UBE2Q2: variants seen among roughly 807,000 people sequenced by gnomAD.
The protein encoded by UBE2Q2 is ubiquitin-conjugating enzyme E2 Q2.
In UBE2Q2, 54 loss-of-function variants were observed where a neutral mutation model predicts 59.9. The observed-to-expected ratio is 0.90, with a 90% CI of 0.72 to 1.13. UBE2Q2 has a LOEUF of 1.13. Among genes scored for constraint, UBE2Q2 ranks in the 50% most tolerant of loss-of-function variants. The pLI is 0.00. For missense variants in UBE2Q2, 433 were observed against 441.9 expected (o/e 0.98, Z 0.18); for synonymous variants, 165 against 155.2 (o/e 1.06, Z -0.47).
At chr15:75,866,194 A>G (rs548768441) in intron 3 of UBE2Q2, among the ~76,000 whole-genome samples, 23 of 151,598 alleles carry the variant, frequency 1.5e-4, no homozygotes, top group African/African-American at 5.3e-4. Context: ...TTTTTTTGAA[A>G]CAGGGTCTTG....
At chr15:75,899,290 A>AAG (rs1555424928) in intron 12 of UBE2Q2, 137 bp from the exon 13 acceptor site, 1 of 240,434 alleles carries the variant, frequency 4.2e-6, no homozygotes, top group African/African-American at 2.4e-5. Flanking sequence ...ATATATATAT[A>AAG]ATATATATAT....
intron 1 of UBE2Q2, 46 bp downstream of exon 1, chr15:75,843,892 AG>A (rs1179661397): frequency 6.7e-7 from 1 of 1,503,648 alleles, no homozygotes; most frequent in East Asian, 2.6e-5. Context: ...GAGGACGGAG[AG>A]GGGGCGCTTC....
At chr15:75,844,145 C>G (rs778795216) in intron 1 of UBE2Q2, 144 of 1,427,704 alleles carry the variant, frequency 1.0e-4, no homozygotes, top group Non-Finnish European at 1.2e-4. Context: ...GGCCCAAGCC[C>G]TTGTGGGGTC....
chr15:75,889,581 C>T (rs981925804), intron 9 of UBE2Q2, among the ~76,000 whole-genome samples: 1 of 152,074 alleles, frequency 6.6e-6, no homozygotes, highest in Non-Finnish European at 1.5e-5. Flanking sequence ...GTAGGAATCT[C>T]AAGCAAGGGA....
chr15:75,877,929 A>G (rs1173080025), intron 6 of UBE2Q2, 32 bp from the exon 7 acceptor site: 1 of 1,589,428 alleles, frequency 6.3e-7, no homozygotes, highest in Admixed American at 1.7e-5. Context: ...TGATGAAATG[A>G]AGAGTAGCTA....
At chr15:75,868,261 G>A (rs1438294098) in intron 3 of UBE2Q2, among the ~76,000 whole-genome samples, 1 of 152,138 alleles carries the variant, frequency 6.6e-6, no homozygotes, top group African/African-American at 2.4e-5. Flanking sequence ...GTGTCCTGGC[G>A]AGGGCTTACC....
intron 3 of UBE2Q2, among the ~76,000 whole-genome samples, chr15:75,862,244 A>G (rs1265055713): frequency 6.6e-6 from 1 of 152,178 alleles, no homozygotes; most frequent in Non-Finnish European, 1.5e-5. Flanking sequence ...CCAACTCCCA[A>G]GATGAGCCCT....
At chr15:75,886,607 G>C (rs1321188332) in intron 9 of UBE2Q2, among the ~76,000 whole-genome samples, 1 of 152,118 alleles carries the variant, frequency 6.6e-6, no homozygotes, top group African/African-American at 2.4e-5. Flanking sequence ...ATTTTTATCA[G>C]CCAGATGTGG....
At chr15:75,860,171 T>C (rs983616018) in intron 3 of UBE2Q2, among the ~76,000 whole-genome samples, 189 bp downstream of exon 3, 1 of 152,264 alleles carries the variant, frequency 6.6e-6, no homozygotes, top group Non-Finnish European at 1.5e-5. Flanking sequence ...GAGCTGCTGG[T>C]ATTTACTATA....
intron 9 of UBE2Q2, among the ~76,000 whole-genome samples, chr15:75,885,114 A>AG (rs1898684524): frequency 6.6e-6 from 1 of 151,958 alleles, no homozygotes; most frequent in Non-Finnish European, 1.5e-5. Context: ...CACTAATAGT[A>AG]GTGGGGTTTT....
At chr15:75,877,567 G>GT (rs1054289154) in intron 6 of UBE2Q2, among the ~76,000 whole-genome samples, 1 of 152,050 alleles carries the variant, frequency 6.6e-6, no homozygotes, top group African/African-American at 2.4e-5. Flanking sequence ...TTGTGAATAG[G>GT]TTTATGTATA....
intron 5 of UBE2Q2, 109 bp downstream of exon 5, chr15:75,873,677 C>A: frequency 1.6e-6 from 2 of 1,262,028 alleles, no homozygotes; most frequent in Non-Finnish European, 1.1e-6. Context: ...TCCTCCATTT[C>A]TGCCTTAGTG....
intron 7 of UBE2Q2, 169 bp downstream of exon 7, chr15:75,878,190 C>T (rs779028226): frequency 1.3e-5 from 7 of 544,738 alleles, no homozygotes; most frequent in African/African-American, 1.9e-5. Context: ...TTGCTGAGGT[C>T]TAATAAGAAA....
intron 5 of UBE2Q2, among the ~76,000 whole-genome samples, chr15:75,874,753 T>A (rs1040477082): frequency 2.4e-4 from 36 of 152,344 alleles, no homozygotes; most frequent in South Asian, 1.4e-3. Context: ...TGTGTGTATA[T>A]ATATAAAATG....
chr15:75,893,880 A>T (rs993862709), intron 11 of UBE2Q2, among the ~76,000 whole-genome samples: 4 of 152,306 alleles, frequency 2.6e-5, no homozygotes, highest in African/African-American at 9.6e-5. Context: ...TAAAATTACT[A>T]AAATTCTATC....
chr15:75,849,724 T>C (rs2141537103), intron 1 of UBE2Q2, among the ~76,000 whole-genome samples: 1 of 152,308 alleles, frequency 6.6e-6, no homozygotes, highest in East Asian at 1.9e-4. Context: ...TTAGAATTAC[T>C]ATAAAACTAA....
chr15:75,885,383 TG>T (rs893119483), intron 9 of UBE2Q2, among the ~76,000 whole-genome samples: 16 of 152,212 alleles, frequency 1.1e-4, no homozygotes, highest in Non-Finnish European at 2.2e-4. Flanking sequence ...CCCAAAGTGC[TG>T]GGATTACACG....
intron 1 of UBE2Q2, among the ~76,000 whole-genome samples, chr15:75,850,536 A>T (rs563076742): frequency 6.6e-6 from 1 of 152,306 alleles, no homozygotes; most frequent in East Asian, 1.9e-4. Context: ...GGCTTAGCCC[A>T]CCTGACAGCT....
At chr15:75,895,213 T>G (rs1482687301) in intron 11 of UBE2Q2, 1 of 151,842 alleles carries the variant, frequency 6.6e-6, no homozygotes, top group African/African-American at 2.4e-5. Flanking sequence ...GATGGAGTTT[T>G]GTTCTTGTTG....
Sources: gnomAD v4.1 joint callset for allele counts (sites outside exome capture counted in the v4.1 genomes callset) on GRCh38, gnomAD v4.1.1 for gene constraint, MANE v1.5 for transcripts, NCBI Gene and HGNC (gene_info 2026-07-23, HGNC 2026-07-21) for gene names.